Variants in SYT1 observed in about 807,000 individuals in gnomAD.
SYT1 encodes the protein synaptotagmin-1.
A neutral mutation model predicts 44.8 loss-of-function variants in SYT1; 8 were observed. The observed-to-expected ratio is 0.18, with a 90% CI of 0.10 to 0.32. The LOEUF is 0.32. Among genes scored for constraint, SYT1 ranks in the 10% least tolerant of loss-of-function variants. SYT1 has a pLI of 1.00. For missense variants in SYT1, 286 were observed against 509.3 expected, an observed-to-expected ratio of 0.56 and a Z score of 4.22; for synonymous variants, 154 against 188.8, an observed-to-expected ratio of 0.82 and a Z score of 1.51.
chr12:79,316,073 A>C (rs1164205840), intron 8 of SYT1, among the ~76,000 whole-genome samples: 1 of 152,206 alleles, frequency 6.6e-6, no homozygotes, highest in Non-Finnish European at 1.5e-5. Context: ...TTAAGTGTAC[A>C]GTTCAATGAG....
chr12:78,948,814 T>C (rs1878804950), intron 1 of SYT1, among the ~76,000 whole-genome samples: 1 of 151,832 alleles, frequency 6.6e-6, no homozygotes, highest in African/African-American at 2.4e-5. Context: ...ACTACTTGCA[T>C]AGTGTCCATG....
rs142252053 is a variant in SYT1, at chr12:79,251,245, C to T, written c.166+33560C>T. Among the ~76,000 whole-genome samples, 6 of 152,150 alleles carry T rather than the reference C, an allele frequency of 3.9e-5. No homozygotes were observed. The East Asian group carries it at 1.2e-3, about 29-fold the overall frequency. Reference sequence around the variant, plus strand: ...TTAAAGAAGGGAAGAATCACTAATACTCTAATTACCCTGATTAACAATGAG... The same window carrying T: ...TTAAAGAAGGGAAGAATCACTAATATTCTAATTACCCTGATTAACAATGAG... On this transcript the variant is annotated intron_variant, in intron 4 of 10. Coordinates refer to ENST00000261205, the MANE Select transcript of SYT1 (RefSeq NM_005639.3).
intron 3 of SYT1, among the ~76,000 whole-genome samples, chr12:79,063,439 G>C (rs990387416): frequency 1.3e-5 from 2 of 152,102 alleles, no homozygotes; most frequent in African/African-American, 4.8e-5. Flanking sequence ...TTACATAGCT[G>C]CTATTTCCTG....
Position 78,952,414 on chromosome 12 carries a change from A to G in SYT1, c.-216-25385A>G, listed in dbSNP as rs988622443. ...ATTGTGCCTCTCTGAGCTATTATTTATAGAATATTTAAAGAGCCTGGACTG... is the reference window on the plus strand; with the variant it reads ...ATTGTGCCTCTCTGAGCTATTATTTGTAGAATATTTAAAGAGCCTGGACTG... On this transcript the variant is annotated intron_variant, in intron 1 of 10. Transcript: ENST00000261205. Among the ~76,000 whole-genome samples, 4 of 152,094 alleles carry G rather than the reference A, an allele frequency of 2.6e-5. No individual in the cohort carries two copies. In the East Asian group the frequency reaches 7.7e-4, roughly 29 times the overall value.
At chr12:79,268,938 A>G (rs572556240) in intron 4 of SYT1, among the ~76,000 whole-genome samples, 55 of 152,264 alleles carry the variant, frequency 3.6e-4, no homozygotes, top group African/African-American at 1.3e-3. Flanking sequence ...AAGGAAAGAG[A>G]AAGGATGAAA....
intron 9 of SYT1, among the ~76,000 whole-genome samples, chr12:79,403,853 C>G (rs1157311705): frequency 6.6e-6 from 1 of 152,154 alleles, no homozygotes; most frequent in Non-Finnish European, 1.5e-5. Context: ...GTGAATAAAC[C>G]TTCCTTCCTG....
At chr12:78,922,454 A>G (rs536145572) in intron 1 of SYT1, among the ~76,000 whole-genome samples, 1 of 151,794 alleles carries the variant, frequency 6.6e-6, no homozygotes. Flanking sequence ...ATTTCTTAAG[A>G]AAACATATTA....
chr12:78,947,433 C>A (rs1191044129), intron 1 of SYT1, among the ~76,000 whole-genome samples: 1 of 151,300 alleles, frequency 6.6e-6, no homozygotes, highest in South Asian at 2.1e-4. Flanking sequence ...CCAAACCAAA[C>A]CATTTGAGCA....
intron 9 of SYT1, among the ~76,000 whole-genome samples, chr12:79,420,087 A>G (rs1005165766): frequency 1.3e-5 from 2 of 152,100 alleles, no homozygotes; most frequent in African/African-American, 4.8e-5. Context: ...GGATTTTTGA[A>G]TTGTTTCTAA....
At chr12:78,958,414 G>C (rs1431252058) in intron 1 of SYT1, among the ~76,000 whole-genome samples, 4 of 151,886 alleles carry the variant, frequency 2.6e-5, no homozygotes, top group Non-Finnish European at 1.5e-5. Context: ...CACAAACAAG[G>C]CCGGGAGCCA....
At chr12:79,392,619 A>G (rs2136097119) in intron 9 of SYT1, 1 of 152,284 alleles carries the variant, frequency 6.6e-6, no homozygotes, top group South Asian at 2.1e-4. Context: ...AACGAAAAAA[A>G]AGACAAATGT....
chr12:79,167,561 G>T (rs908667242), intron 3 of SYT1, among the ~76,000 whole-genome samples: 1 of 151,926 alleles, frequency 6.6e-6, no homozygotes, highest in African/African-American at 2.4e-5. Context: ...AATATCAAAT[G>T]ACTTACCCTA....
At chr12:78,978,807 C>G (rs1869033663) in intron 2 of SYT1, among the ~76,000 whole-genome samples, 1 of 152,192 alleles carries the variant, frequency 6.6e-6, no homozygotes, top group African/African-American at 2.4e-5. Flanking sequence ...TGTTTTACTA[C>G]TTCTATCTTA....
At chr12:79,177,031 A>ATT (rs1397088706) in intron 3 of SYT1, among the ~76,000 whole-genome samples, 1 of 70,314 alleles carries the variant, frequency 1.4e-5, no homozygotes, top group African/African-American at 5.5e-5. Context: ...GTAAAAGCAT[A>ATT]TTTCTTTTTT....
Position 78,916,759 on chromosome 12 carries a change from T to C in SYT1, c.-217+51650T>C, listed in dbSNP as rs146112103. Among the ~76,000 whole-genome samples, 604 of 152,176 alleles carry C rather than the reference T, an allele frequency of 4.0e-3. 2 individuals carry two copies. Among genetic ancestry groups the C allele is most frequent in the African/African-American group, 0.014 (570 of 41,558 alleles). Reference sequence around the variant, plus strand: ...GAAACCATAGTGTTTACTGTTTTGCTACCTAATTTCTTTTTAAAGACTTTA... The same window carrying C: ...GAAACCATAGTGTTTACTGTTTTGCCACCTAATTTCTTTTTAAAGACTTTA... On this transcript the variant is annotated intron_variant, in intron 1 of 10. Coordinates refer to ENST00000261205, the MANE Select transcript of SYT1 (RefSeq NM_005639.3).
chr12:79,304,580 A>T (rs61928791), intron 8 of SYT1, among the ~76,000 whole-genome samples: 2 of 152,016 alleles, frequency 1.3e-5, no homozygotes, highest in Non-Finnish European at 2.9e-5. Flanking sequence ...CCTCTTTTTC[A>T]TCCTGTTTCC....
At chr12:79,254,002 A>G (rs1877375660) in intron 4 of SYT1, among the ~76,000 whole-genome samples, 1 of 152,220 alleles carries the variant, frequency 6.6e-6, no homozygotes, top group Non-Finnish European at 1.5e-5. Context: ...AGTTGCCTCC[A>G]GACCATCAAA....
intron 2 of SYT1, among the ~76,000 whole-genome samples, chr12:79,027,363 A>T (rs1872598656): frequency 6.6e-6 from 1 of 151,478 alleles, no homozygotes; most frequent in Non-Finnish European, 1.5e-5. Flanking sequence ...ATATTGATTC[A>T]CTTTCTCAAT....
intron 9 of SYT1, among the ~76,000 whole-genome samples, chr12:79,422,851 TG>T (rs1404489924): frequency 6.6e-6 from 1 of 152,158 alleles, no homozygotes; most frequent in Non-Finnish European, 1.5e-5. Context: ...ATCTAGGTGC[TG>T]GAAGTAAGCT....
Sources: gnomAD v4.1 joint callset for allele counts (sites outside exome capture counted in the v4.1 genomes callset) on GRCh38, gnomAD v4.1.1 for gene constraint, MANE v1.5 for transcripts, NCBI Gene and HGNC (gene_info 2026-07-23, HGNC 2026-07-21) for gene names.